Variants in STAB2 observed in about 807,000 individuals in gnomAD.
STAB2 encodes stabilin 2.
Under a neutral mutation model 338.1 loss-of-function variants are expected in STAB2, and 288 were observed. That is an observed-to-expected ratio of 0.85 (90% CI 0.77 to 0.94). The LOEUF (loss-of-function observed/expected upper bound fraction) is 0.94. Ranked by LOEUF, STAB2 falls within the 40% of genes least tolerant of loss-of-function variation. STAB2 has a pLI of 0.00. For missense variants in STAB2, 3,141 were observed against 3,210.1 expected (o/e 0.98, Z 0.52); for synonymous variants, 1,202 against 1,193.3 (o/e 1.01, Z -0.15).
In STAB2 at chr12:103,727,367, G is replaced by A. The variant is rs1257489841; in HGVS notation, c.4935+17G>A. On this transcript the variant is annotated intron_variant, in intron 47 of 68. Transcript: ENST00000388887. ...GAAGCTCGGGTGAGCATGAGACTGT[G>A]GGCAGAAGGGGGAGGTCTGCGGCTG... is the stretch of plus-strand genomic sequence containing the variant. 7 of 1,613,830 alleles carry A rather than the reference G, an allele frequency of 4.3e-6. No individual in the cohort carries two copies. The highest frequency in any genetic ancestry group is 1.7e-5 in the Admixed American group (1 of 60,012).
intron 1 of STAB2, among the ~76,000 whole-genome samples, chr12:103,588,694 T>C (rs1161254297): frequency 6.6e-6 from 1 of 151,604 alleles, no homozygotes; most frequent in Non-Finnish European, 1.5e-5. Flanking sequence ...AAGAAGAGGG[T>C]TTTAAATCTA....
At chr12:103,625,274 A>G (rs897649934) in intron 5 of STAB2, among the ~76,000 whole-genome samples, 6 of 152,344 alleles carry the variant, frequency 3.9e-5, no homozygotes, top group African/African-American at 1.2e-4. Context: ...GAAATTCCCA[A>G]CATTTCCAAA....
At chr12:103,759,397 G>A (rs1006603408) in intron 65 of STAB2, 124 bp downstream of exon 65, 2 of 1,387,848 alleles carry the variant, frequency 1.4e-6, no homozygotes, top group Non-Finnish European at 1.9e-6. Context: ...TGCAGATAGG[G>A]GACGGTGTTA....
intron 3 of STAB2, among the ~76,000 whole-genome samples, chr12:103,595,080 C>A (rs1468711058): frequency 6.6e-6 from 1 of 152,068 alleles, no homozygotes; most frequent in Non-Finnish European, 1.5e-5. Flanking sequence ...CTAGCAAAGT[C>A]TGAATCAATG....
intron 63 of STAB2, 51 bp from the exon 64 acceptor site, chr12:103,758,119 G>A: frequency 6.2e-7 from 1 of 1,611,116 alleles, no homozygotes; most frequent in Non-Finnish European, 8.5e-7. Context: ...AGCCACCCAG[G>A]TCCCTGCACA....
intron 12 of STAB2, among the ~76,000 whole-genome samples, 157 bp downstream of exon 12, chr12:103,652,862 A>C (rs1873850425): frequency 6.6e-6 from 1 of 152,220 alleles, no homozygotes; most frequent in African/African-American, 2.4e-5. Flanking sequence ...GAAGAAACAG[A>C]CAGCAACACC....
At chr12:103,735,938 C>T (rs1882086454) in intron 52 of STAB2, among the ~76,000 whole-genome samples, 1 of 152,194 alleles carries the variant, frequency 6.6e-6, no homozygotes, top group Non-Finnish European at 1.5e-5. Context: ...AGCCCCACCA[C>T]TGTGACCTCA....
At position 103,703,148 on chromosome 12, in the gene STAB2, C is replaced by T. The variant is rs1593257356; in HGVS notation, c.3715C>T (p.Leu1239Phe). The change falls in exon 35 of 69, where the codon CTC becomes TTC. Residue 1239 changes from leucine (L) to phenylalanine (F), a missense_variant and splice_region_variant. Coordinates refer to ENST00000388887, the MANE Select transcript of STAB2 (RefSeq NM_017564.10). ...TGACATTTAACCCTGTTGTTCACAG[C>T]TCTATGTAAATGAGGCTCCAATAAA... ...FLSFFLHNDQ[L>F]YVNEAPINYT... The T allele has an allele frequency of 1.2e-6, 2 of 1,612,932 alleles. No homozygotes were observed. The highest frequency in any genetic ancestry group is 1.3e-5 in the African/African-American group (1 of 74,898).
At chr12:103,738,798 A>G (rs1882351056) in intron 53 of STAB2, among the ~76,000 whole-genome samples, 1 of 152,210 alleles carries the variant, frequency 6.6e-6, no homozygotes, top group South Asian at 2.1e-4. Context: ...AATGGAACTA[A>G]CACTTGCACC....
chr12:103,649,537 C>T (rs937903222), intron 10 of STAB2, among the ~76,000 whole-genome samples: 8 of 152,178 alleles, frequency 5.3e-5, no homozygotes, highest in Non-Finnish European at 5.9e-5. Context: ...GGCCAATCAA[C>T]AGAAACTTTA....
intron 3 of STAB2, among the ~76,000 whole-genome samples, chr12:103,612,967 G>T (rs143412711): frequency 1.3e-5 from 2 of 152,230 alleles, no homozygotes; most frequent in Non-Finnish European, 1.5e-5. Flanking sequence ...GATCCTGTTT[G>T]CCTGGGCATC....
chr12:103,683,795 C>T (rs922264612), intron 26 of STAB2, among the ~76,000 whole-genome samples: 1 of 152,180 alleles, frequency 6.6e-6, no homozygotes. Flanking sequence ...TGCTTCTCAA[C>T]TTTGAAAGAT....
At chr12:103,658,755 G>A (rs943531426) in intron 15 of STAB2, among the ~76,000 whole-genome samples, 6 of 152,128 alleles carry the variant, frequency 3.9e-5, no homozygotes, top group Non-Finnish European at 5.9e-5. Context: ...AAATGTTTAT[G>A]GAAAACTTAT....
chr12:103,593,615 C>A (rs1565949165), intron 2 of STAB2, among the ~76,000 whole-genome samples: 2 of 152,210 alleles, frequency 1.3e-5, no homozygotes, highest in East Asian at 3.9e-4. Context: ...AAGTATGTGA[C>A]TGTGCTATTA....
chr12:103,702,338 C>T (rs1878962903), intron 34 of STAB2, among the ~76,000 whole-genome samples: 1 of 150,052 alleles, frequency 6.7e-6, no homozygotes, highest in Admixed American at 6.6e-5. Context: ...GTCGCCCAGG[C>T]CGGACTGCGG....
chr12:103,756,015 T>C (rs143959374), intron 63 of STAB2, among the ~76,000 whole-genome samples: 86 of 152,316 alleles, frequency 5.6e-4, no homozygotes, highest in African/African-American at 1.7e-3. Context: ...TTTAGACCTG[T>C]GGTCTGTACA....
intron 66 of STAB2, 148 bp downstream of exon 66, chr12:103,761,558 C>CTT (rs35847138): frequency 0.34 from 221,633 of 658,712 alleles, 40,003 homozygotes; most frequent in East Asian, 0.56. Flanking sequence ...AGGTAGCTGG[C>CTT]CAGGACCGCC....
chr12:103,706,094 C>T (rs1415650377), intron 37 of STAB2, among the ~76,000 whole-genome samples: 1 of 152,130 alleles, frequency 6.6e-6, no homozygotes, highest in East Asian at 1.9e-4. Context: ...ATTTAGAAAA[C>T]AGGACCCCAA....
In STAB2 at chr12:103,714,150, A is replaced by G. The variant is rs376359353; in HGVS notation, c.4537+382A>G. Among the ~76,000 whole-genome samples, 5 of 152,180 alleles carry G rather than the reference A, an allele frequency of 3.3e-5. No homozygotes were observed. The East Asian group carries it at 5.8e-4, about 18-fold the overall frequency. ...CATTACCCCATTTTGCTATGCCTAC[A>G]TGTATTTTTTTTTAACAAAAATGGT... On this transcript the variant is annotated intron_variant, in intron 42 of 68. Coordinates refer to ENST00000388887, the MANE Select transcript of STAB2 (RefSeq NM_017564.10).
Sources: allele counts gnomAD v4.1 joint callset (sites outside exome capture counted in the v4.1 genomes callset), GRCh38; gene constraint gnomAD v4.1.1; transcripts MANE v1.5; gene names NCBI Gene and HGNC (gene_info 2026-07-23, HGNC 2026-07-21).